The following STXBP6 variants were observed in gnomAD, a reference collection of about 807,000 sequenced individuals.
The protein encoded by STXBP6 is syntaxin binding protein 6.
A neutral mutation model predicts 26.9 loss-of-function variants in STXBP6; 21 were observed. That is an observed-to-expected ratio of 0.78 (90% CI 0.55 to 1.12). STXBP6 has a LOEUF of 1.12. Ranked by LOEUF, STXBP6 falls within the 50% of genes most tolerant of loss-of-function variation. The pLI is 0.00. For missense variants in STXBP6, 232 were observed against 257.9 expected, an observed-to-expected ratio of 0.90 and a Z score of 0.69; for synonymous variants, 97 against 92.6, an observed-to-expected ratio of 1.05 and a Z score of -0.27.
intron 2 of STXBP6, among the ~76,000 whole-genome samples, chr14:24,961,969 A>C (rs1236522022): frequency 2.0e-5 from 3 of 152,190 alleles, no homozygotes; most frequent in Non-Finnish European, 4.4e-5. Context: ...CCCTCATCTA[A>C]CACTAATATA....
intron 2 of STXBP6, among the ~76,000 whole-genome samples, chr14:24,897,389 G>A (rs1330647693): frequency 3.4e-5 from 4 of 117,880 alleles, no homozygotes; most frequent in East Asian, 2.4e-4. Flanking sequence ...CAGCCTGGGC[G>A]ACAGAGCGAG....
chr14:24,932,729 A>G (rs1430670696), intron 2 of STXBP6, among the ~76,000 whole-genome samples: 1 of 152,140 alleles, frequency 6.6e-6, no homozygotes, highest in African/African-American at 2.4e-5. Flanking sequence ...TTGAAGGTAG[A>G]ACCAACAACT....
intron 2 of STXBP6, among the ~76,000 whole-genome samples, chr14:24,903,947 C>T (rs1434566038): frequency 2.6e-5 from 4 of 152,168 alleles, no homozygotes; most frequent in Admixed American, 2.6e-4. Flanking sequence ...CCTTCCCATC[C>T]TGACCAAATC....
intron 4 of STXBP6, among the ~76,000 whole-genome samples, chr14:24,843,515 C>T (rs576434286): frequency 2.4e-4 from 36 of 152,250 alleles, no homozygotes; most frequent in African/African-American, 8.4e-4. Flanking sequence ...CACGATGTTC[C>T]GTGGTACTCC....
chr14:24,858,571 C>T (rs1054509543), intron 2 of STXBP6, among the ~76,000 whole-genome samples: 17 of 152,128 alleles, frequency 1.1e-4, no homozygotes, highest in Non-Finnish European at 1.8e-4. Context: ...CCCCTTAACA[C>T]CCACAATCAG....
At chr14:24,882,164 G>A (rs1216982140) in intron 2 of STXBP6, among the ~76,000 whole-genome samples, 4 of 151,546 alleles carry the variant, frequency 2.6e-5, no homozygotes, top group Admixed American at 6.6e-5. Flanking sequence ...CGGATCACGA[G>A]GTCAGGAGAT....
rs2069324956 is a variant in STXBP6, at chr14:24,856,108, A to G, written c.286-7T>C. The G allele has an allele frequency of 6.3e-7, 1 of 1,585,650 alleles. No homozygotes were observed. The highest frequency in any genetic ancestry group is 8.6e-7 in the Non-Finnish European group (1 of 1,169,238). On this transcript the variant is annotated splice_polypyrimidine_tract_variant and splice_region_variant and intron_variant, in intron 3 of 5. Coordinates refer to ENST00000323944, the MANE Select transcript of STXBP6 (RefSeq NM_001394410.1). ...AATCAAACTCTGCCGAATCCTGGAAAAGACAATGAAATAACTACTAATCTC... is the reference window on the plus strand; with the variant it reads ...AATCAAACTCTGCCGAATCCTGGAAGAGACAATGAAATAACTACTAATCTC...
At chr14:24,939,953 T>A (rs371597706) in intron 2 of STXBP6, among the ~76,000 whole-genome samples, 2 of 152,198 alleles carry the variant, frequency 1.3e-5, no homozygotes, top group South Asian at 4.1e-4. Flanking sequence ...TGAGTCCCAG[T>A]CCATATCCTC....
chr14:24,985,930 A>T (rs549567838), intron 1 of STXBP6, among the ~76,000 whole-genome samples: 1 of 152,350 alleles, frequency 6.6e-6, no homozygotes, highest in South Asian at 2.1e-4. Flanking sequence ...AAAGTCACAC[A>T]ACAGAAGAGT....
At chr14:24,938,660 A>G (rs893451401) in intron 2 of STXBP6, among the ~76,000 whole-genome samples, 15 of 151,952 alleles carry the variant, frequency 9.9e-5, no homozygotes, top group African/African-American at 3.6e-4. Flanking sequence ...TGCATTATAA[A>G]GAATGACATT....
intron 2 of STXBP6, among the ~76,000 whole-genome samples, chr14:24,873,197 T>C (rs904985604): frequency 6.6e-6 from 1 of 152,172 alleles, no homozygotes; most frequent in Admixed American, 6.5e-5. Flanking sequence ...TATCCCCTGA[T>C]AAGCTTGCCG....
chr14:24,945,785 A>G (rs1286798703), intron 2 of STXBP6, among the ~76,000 whole-genome samples: 2 of 152,228 alleles, frequency 1.3e-5, no homozygotes, highest in African/African-American at 4.8e-5. Flanking sequence ...GGCTTTATAT[A>G]TAGTAAAAAC....
intron 2 of STXBP6, among the ~76,000 whole-genome samples, chr14:24,960,692 T>C (rs533363043): frequency 4.6e-5 from 7 of 152,286 alleles, no homozygotes; most frequent in African/African-American, 1.7e-4. Context: ...ACATTTGGCC[T>C]TTACAGCTGA....
At chr14:24,836,211 A>G (rs950955140) in intron 4 of STXBP6, among the ~76,000 whole-genome samples, 1 of 152,248 alleles carries the variant, frequency 6.6e-6, no homozygotes, top group Non-Finnish European at 1.5e-5. Context: ...TCAGTACAGA[A>G]AGAGACTTTG....
At chr14:24,986,026 G>A (rs2074322713) in intron 1 of STXBP6, among the ~76,000 whole-genome samples, 1 of 152,184 alleles carries the variant, frequency 6.6e-6, no homozygotes, top group African/African-American at 2.4e-5. Context: ...GTAAATAGTA[G>A]AGCAGTGCCG....
At chr14:24,970,867 T>C (rs1169020739) in intron 2 of STXBP6, among the ~76,000 whole-genome samples, 15 of 152,228 alleles carry the variant, frequency 9.9e-5, no homozygotes, top group Admixed American at 9.8e-4. Flanking sequence ...TAACACTTGG[T>C]ATTGTCAGTA....
chr14:24,904,507 T>C (rs1331905648), intron 2 of STXBP6, among the ~76,000 whole-genome samples: 1 of 152,156 alleles, frequency 6.6e-6, no homozygotes, highest in Non-Finnish European at 1.5e-5. Flanking sequence ...CTAAAGTGTG[T>C]CCCCCCAAAA....
chr14:24,972,124 C>T (rs556388046), intron 2 of STXBP6, among the ~76,000 whole-genome samples: 1 of 152,292 alleles, frequency 6.6e-6, no homozygotes, highest in East Asian at 1.9e-4. Context: ...TTCCACTACA[C>T]TGTCTGCTTA....
intron 1 of STXBP6, among the ~76,000 whole-genome samples, chr14:25,012,460 T>C (rs969873344): frequency 6.6e-6 from 1 of 152,108 alleles, no homozygotes; most frequent in African/African-American, 2.4e-5. Context: ...GCCCCATCTC[T>C]ACTAGTGCCA....
Sources: gnomAD v4.1 joint callset for allele counts (sites outside exome capture counted in the v4.1 genomes callset) on GRCh38, gnomAD v4.1.1 for gene constraint, MANE v1.5 for transcripts, NCBI Gene and HGNC (gene_info 2026-07-23, HGNC 2026-07-21) for gene names.